PRKCSH: variants seen among roughly 807,000 people sequenced by gnomAD.
PRKCSH encodes the protein PRKCSH beta subunit of glucosidase II.
PRKCSH carries 42 observed loss-of-function variants against 79.7 expected under a neutral mutation model. The ratio of observed to expected loss-of-function variants is 0.53; its 90% CI spans 0.41 to 0.68. The LOEUF (loss-of-function observed/expected upper bound fraction) is 0.68, where lower values mean the gene tolerates loss of function less well. PRKCSH is among the 30% of genes least tolerant of loss of function. PRKCSH has a pLI of 0.00. For missense variants in PRKCSH, 686 were observed against 709.0 expected, an observed-to-expected ratio of 0.97 and a Z score of 0.37; for synonymous variants, 325 against 288.2, an observed-to-expected ratio of 1.13 and a Z score of -1.29.
chr19:11,438,117 A>G lies in PRKCSH; in HGVS notation c.343A>G (p.Thr115Ala), dbSNP rs1481238681. Residue 115 changes from threonine (T) to alanine (A), a missense_variant, in exon 5 of 18, where the codon ACC becomes GCC. Physicochemically the swap from Thr to Ala is moderately conservative, Grantham distance 58. Coordinates refer to ENST00000677123, the MANE Select transcript of PRKCSH (RefSeq NM_001289104.2). ...EYNSGVICEN[T>A]CKEKGRKERE... ...CAACAGCGGCGTCATCTGTGAGAAC[A>G]CCTGCAAGTACGTGGGTGACAGTAC... is the stretch of plus-strand genomic sequence containing the variant. 1.2e-6 allele frequency: 2 copies of G among 1,613,952 alleles called. No homozygotes were observed. Among genetic ancestry groups the G allele is most frequent in the African/African-American group, 2.7e-5 (2 of 74,908 alleles).
chr19:11,441,120 C>A, intron 5 of PRKCSH, 120 bp from the exon 6 acceptor site: 1 of 974,792 alleles, frequency 1.0e-6, no homozygotes, highest in Non-Finnish European at 1.7e-6. Context: ...AAGGCTTGCT[C>A]TCATCTTTCC....
intron 5 of PRKCSH, chr19:11,441,037 G>C (rs1206646073): frequency 1.7e-6 from 1 of 587,120 alleles, no homozygotes; most frequent in African/African-American, 1.8e-5. Flanking sequence ...CTGACCCCAG[G>C]GGCTTACAGA....
intron 3 of PRKCSH, among the ~76,000 whole-genome samples, chr19:11,437,485 G>A (rs1463522882): frequency 1.3e-5 from 2 of 152,078 alleles, no homozygotes; most frequent in Admixed American, 1.3e-4. Flanking sequence ...CTGAGTAGCT[G>A]GGATTACAGG....
chr19:11,445,625 A>G (rs1240281360), intron 8 of PRKCSH, 152 bp downstream of exon 8: 20 of 768,854 alleles, frequency 2.6e-5, no homozygotes, highest in Non-Finnish European at 4.2e-5. Context: ...CCCGCCTCTT[A>G]CTCGTGGATG....
rs771290878 is a variant in PRKCSH at position 11,447,082 on chromosome 19, C to T, written c.771C>T (p.Leu257=). ...ACCCCCAACACACACAGGCCCTCCT[C>T]AGTGGGGACACACAGACAGACGCCA... ...ALSEAEAQAL[L]SGDTQTDATS... is the part of the protein sequence containing the mutation. Residue 257 remains leucine, a synonymous_variant, in exon 10 of 18, where the codon CTC becomes CTT. Transcript: ENST00000677123. This position sits in a 1 kb window ranked among gnomAD's most constrained non-coding sequence, Gnocchi z 5.6. 1 of 1,614,010 alleles carries T rather than the reference C, an allele frequency of 6.2e-7. No individual in the cohort carries two copies. Among genetic ancestry groups the T allele is most frequent in the South Asian group, 1.1e-5 (1 of 91,080 alleles).
intron 8 of PRKCSH, 72 bp downstream of exon 8, chr19:11,445,545 T>C: frequency 6.8e-7 from 1 of 1,462,970 alleles, no homozygotes; most frequent in Admixed American, 1.8e-5. Flanking sequence ...CCCTCGCCTC[T>C]AGAAACCAGC....
intron 6 of PRKCSH, 64 bp downstream of exon 6, chr19:11,441,421 G>A: frequency 6.6e-7 from 1 of 1,504,342 alleles, no homozygotes; most frequent in South Asian, 1.1e-5. Context: ...GTGTGGGCTT[G>A]CAAGGCTGGG....
chr19:11,439,094 A>C (rs899978905), intron 5 of PRKCSH, among the ~76,000 whole-genome samples: 1 of 151,956 alleles, frequency 6.6e-6, no homozygotes, highest in Non-Finnish European at 1.5e-5. Flanking sequence ...TTTTTGGTAG[A>C]GATGGTTTCA....
chr19:11,440,013 A>G (rs1449750234), intron 5 of PRKCSH, among the ~76,000 whole-genome samples: 2 of 151,740 alleles, frequency 1.3e-5, no homozygotes, highest in Admixed American at 1.3e-4. Context: ...TGGGCCTGGG[A>G]AGCAGAGGTT....
chr19:11,448,296 C>T lies in PRKCSH; in HGVS notation c.1196+5C>T, dbSNP rs1434017541. 5 of 1,571,388 alleles carry T rather than the reference C, an allele frequency of 3.2e-6. No homozygotes were observed. Among genetic ancestry groups the T allele is most frequent in the East Asian group, 2.3e-5 (1 of 42,874 alleles). On this transcript the variant is annotated splice_donor_5th_base_variant and intron_variant, in intron 13 of 17. Coordinates refer to ENST00000677123, the MANE Select transcript of PRKCSH (RefSeq NM_001289104.2). The surrounding 1 kb of genome is among the most constrained non-coding windows in gnomAD (Gnocchi z 4.4). ...GGACATGGAGGAGTCCATCAGGTAG[C>T]GGGGGCTGAGGAGCGGGGACACCTG...
At position 11,448,217 on chromosome 19, in the gene PRKCSH, C is replaced by T. The variant is rs751700468; in HGVS notation, c.1127-5C>T. ...GACATCTCTGACCTCCAACCCCTCT[C>T]CCAGCTGCCCAGGAGGCCCGCAACA... On this transcript the variant is annotated splice_polypyrimidine_tract_variant and splice_region_variant and intron_variant, in intron 12 of 17. Transcript: ENST00000677123. The surrounding 1 kb of genome is among the most constrained non-coding windows in gnomAD (Gnocchi z 4.4). The T allele has an allele frequency of 1.3e-6, 2 of 1,555,404 alleles. No homozygotes were observed. The highest frequency in any genetic ancestry group is 2.4e-5 in the East Asian group (1 of 41,378).
Position 11,447,715 on chromosome 19 carries a change from C to G in PRKCSH, c.1052C>G (p.Pro351Arg). The G allele has an allele frequency of 6.3e-7, 1 of 1,587,302 alleles. No homozygotes were observed. The highest frequency in any genetic ancestry group is 1.1e-5 in the South Asian group (1 of 87,134). Residue 351 changes from proline (P) to arginine (R), a missense_variant, in exon 12 of 18, where the codon CCC becomes CGC. Coordinates refer to ENST00000677123, the MANE Select transcript of PRKCSH (RefSeq NM_001289104.2). The surrounding 1 kb of genome is among the most constrained non-coding windows in gnomAD (Gnocchi z 5.6). The stretch of plus-strand genomic sequence containing the variant: ...CAGGAGGCCCCACCGCCACTGTCAC[C>G]CCCGCAGCCGGCCAGCCCTGCTGAG... ...QPKEAPPPLSPPQPASPAEED... is the reference protein window; with the variant it reads ...QPKEAPPPLSRPQPASPAEED...
rs373806462 is a variant in PRKCSH at position 11,441,368 on chromosome 19, C to T, written c.468+11C>T. The T allele has an allele frequency of 2.1e-5, 34 of 1,612,802 alleles. No individual in the cohort carries two copies. The African/African-American group carries it at 2.8e-4, about 13-fold the overall frequency. ...CGGGAGGAGAAGCAGGTAAGGAACC[C>T]GCGGGGGCTGCCCCAGGGTGATCTG... On this transcript the variant is annotated intron_variant, in intron 6 of 17. Coordinates refer to ENST00000677123, the MANE Select transcript of PRKCSH (RefSeq NM_001289104.2).
At chr19:11,436,536 G>C in intron 3 of PRKCSH, 31 bp downstream of exon 3, 1 of 1,540,002 alleles carries the variant, frequency 6.5e-7, no homozygotes, top group East Asian at 2.3e-5. Flanking sequence ...TCCATCAGAT[G>C]TTTATTGAAC....
At position 11,449,501 on chromosome 19, in the gene PRKCSH, C is replaced by T; in HGVS notation, c.*16+73C>T. 1.3e-6 allele frequency: 2 copies of T among 1,577,052 alleles called. No individual in the cohort carries two copies. The highest frequency in any genetic ancestry group is 1.7e-6 in the Non-Finnish European group (2 of 1,150,560). On this transcript the variant is annotated intron_variant, in intron 17 of 17. Transcript: ENST00000677123. This position sits in a 1 kb window ranked among gnomAD's most constrained non-coding sequence, Gnocchi z 6.4. ...CGGCGGGCCCTGAGGAAGATGGACC[C>T]ACATGGCCACTCTATCAACCTGTGT...
intron 5 of PRKCSH, among the ~76,000 whole-genome samples, chr19:11,440,228 A>G (rs1334189820): frequency 1.3e-5 from 2 of 151,448 alleles, no homozygotes; most frequent in African/African-American, 2.4e-5. Context: ...GCTCACTGCA[A>G]GCTCCGCTTC....
At position 11,447,415 on chromosome 19, in the gene PRKCSH, C is replaced by A; in HGVS notation, c.850-24C>A. ...GTGGGTGGACCCTGAGTCCACAACA[C>A]CGACCGCACTGCTCACCCGCCAGGC... is the stretch of plus-strand genomic sequence containing the variant. On this transcript the variant is annotated intron_variant, in intron 10 of 17. Coordinates refer to ENST00000677123, the MANE Select transcript of PRKCSH (RefSeq NM_001289104.2). The surrounding 1 kb of genome is among the most constrained non-coding windows in gnomAD (Gnocchi z 5.6). 1.2e-6 allele frequency: 2 copies of A among 1,611,718 alleles called. No homozygotes were observed. The highest frequency in any genetic ancestry group is 1.7e-6 in the Non-Finnish European group (2 of 1,178,360).
intron 5 of PRKCSH, among the ~76,000 whole-genome samples, chr19:11,438,811 A>G (rs927323271): frequency 3.9e-5 from 6 of 151,962 alleles, no homozygotes; most frequent in Non-Finnish European, 7.4e-5. Context: ...GTATGAGGCA[A>G]TACGGAGGGG....
rs1203137183 is a variant in PRKCSH at position 11,449,022 on chromosome 19, T to G, written c.1361+34T>G. ...CTTGGGCTGGCCCCTTCCCTCTGCC[T>G]CCTCCTGGTGCCCCGACACCGGCCC... is the stretch of plus-strand genomic sequence containing the variant. On this transcript the variant is annotated intron_variant, in intron 15 of 17. Coordinates refer to ENST00000677123, the MANE Select transcript of PRKCSH (RefSeq NM_001289104.2). The surrounding 1 kb of genome is among the most constrained non-coding windows in gnomAD (Gnocchi z 6.4). 2 of 1,612,884 alleles carry G rather than the reference T, an allele frequency of 1.2e-6. No homozygotes were observed. The highest frequency in any genetic ancestry group is 1.7e-5 in the Admixed American group (1 of 60,014).
Sources: gnomAD v4.1 joint callset for allele counts (sites outside exome capture counted in the v4.1 genomes callset) on GRCh38, gnomAD v4.1.1 for gene constraint, Gnocchi (gnomAD v3.1) non-coding constraint, MANE v1.5 for transcripts, NCBI Gene and HGNC (gene_info 2026-07-23, HGNC 2026-07-21) for gene names.